PCDHGB5: variants seen among roughly 807,000 people sequenced by gnomAD.
PCDHGB5 encodes the protein protocadherin gamma-B5.
Under a neutral mutation model 62.9 loss-of-function variants are expected in PCDHGB5, and 48 were observed. The observed-to-expected ratio is 0.76, with a 90% CI of 0.61 to 0.97. The LOEUF (loss-of-function observed/expected upper bound fraction) is 0.97, where lower values mean the gene tolerates loss of function less well. PCDHGB5 is among the 50% of genes least tolerant of loss of function. PCDHGB5 has a pLI of 0.00. For missense variants in PCDHGB5, 1,118 were observed against 1,198.6 expected (o/e 0.93, Z 0.99); for synonymous variants, 474 against 511.2 (o/e 0.93, Z 0.98).
intron 1 of PCDHGB5, chr5:141,410,252 C>T (rs3749768): frequency 0.048 from 77,060 of 1,613,996 alleles, 2,017 homozygotes; most frequent in South Asian, 0.077. Flanking sequence ...ACTCTCTGAC[C>T]CCCAGGCTGA....
At chr5:141,461,603 G>A (rs1413122199) in intron 1 of PCDHGB5, among the ~76,000 whole-genome samples, 8 of 152,092 alleles carry the variant, frequency 5.3e-5, no homozygotes, top group African/African-American at 1.9e-4. Context: ...TTATAATTTA[G>A]TTCAAAGTAT....
In PCDHGB5 at chr5:141,438,615, TATATATATATATATATATATACAC is replaced by T. The variant is rs1230398483; in HGVS notation, c.2397+38093_2397+38116del. ...ACATATATATATATATATATATATA[TATATATATATATATATATATACAC>T]ACACACACACACATATATGTATATA... is the stretch of plus-strand genomic sequence containing the variant. On this transcript the variant is annotated intron_variant, in intron 1 of 3. Transcript: ENST00000617380. Among the ~76,000 whole-genome samples the T allele has an allele frequency of 3.0e-3, 107 of 35,910 alleles. 2 individuals carry two copies. The highest frequency in any genetic ancestry group is 7.9e-3 in the African/African-American group (39 of 4,916). The allele number at this position is 35,910 out of a possible 152,430, so 23.6% of individuals were successfully genotyped here. A position where few individuals can be genotyped will look rare whatever the true frequency, so the allele number is the denominator to read the frequency against.
Position 141,427,512 on chromosome 5 carries a change from T to A in PCDHGB5, c.2397+26988T>A, listed in dbSNP as rs1483922394. ...GCTTGTAACAGATGGGACCCTGGATTGGGAGCGGATCCCGGAGTACAACGT... is the reference window on the plus strand; with the variant it reads ...GCTTGTAACAGATGGGACCCTGGATAGGGAGCGGATCCCGGAGTACAACGT... On this transcript the variant is annotated intron_variant, in intron 1 of 3. Transcript: ENST00000617380. 1.2e-5 allele frequency: 7 copies of A among 592,748 alleles called. No homozygotes were observed. The Admixed American group carries it at 1.3e-4, about 11-fold the overall frequency. 36.7% of individuals were successfully genotyped at this position (592,748 alleles called of 1,614,324 possible). A position where few individuals can be genotyped will look rare whatever the true frequency, so the allele number is the denominator to read the frequency against.
intron 1 of PCDHGB5, among the ~76,000 whole-genome samples, chr5:141,450,006 C>CTATTTTTTTTTT (rs70988802): frequency 7.5e-6 from 1 of 132,986 alleles, no homozygotes. Context: ...TGCCATGTCT[C>CTATTTTTTTTTT]TTTTTTTTTT....
At position 141,490,132 on chromosome 5, in the gene PCDHGB5, A is replaced by C. The variant is rs1245562757; in HGVS notation, c.2398-4675A>C. On this transcript the variant is annotated intron_variant, in intron 1 of 3. Coordinates refer to ENST00000617380, the MANE Select transcript of PCDHGB5 (RefSeq NM_018925.3). This position sits in a 1 kb window ranked among gnomAD's most constrained non-coding sequence, Gnocchi z 5.4. ...GCGGAACCTCTTTGGCCTAGACCCT[A>C]GCAGTGGGGCAATCCATGTGTTGGG... 6.2e-7 allele frequency: 1 copy of C among 1,614,220 alleles called. No individual in the cohort carries two copies. Among genetic ancestry groups the C allele is most frequent in the South Asian group, 1.1e-5 (1 of 91,088 alleles).
chr5:141,422,877 C>A, intron 1 of PCDHGB5: 1 of 1,614,246 alleles, frequency 6.2e-7, no homozygotes. Context: ...TGTCGCTGAG[C>A]CTGTTCGTGC....
chr5:141,452,252 C>T (rs868364679), intron 1 of PCDHGB5, among the ~76,000 whole-genome samples: 2 of 152,106 alleles, frequency 1.3e-5, no homozygotes, highest in Non-Finnish European at 2.9e-5. Context: ...TTTGCCATAA[C>T]TCTCTCATTT....
intron 1 of PCDHGB5, chr5:141,408,084 G>A (rs564149257): frequency 7.5e-5 from 106 of 1,418,874 alleles, no homozygotes; most frequent in Middle Eastern, 2.5e-4. Context: ...CCAGCACAGC[G>A]GATTGCCAGC....
chr5:141,410,502 T>C, intron 1 of PCDHGB5: 2 of 1,614,018 alleles, frequency 1.2e-6, no homozygotes, highest in Non-Finnish European at 1.7e-6. Context: ...TTTAATTTCC[T>C]AAAATGCAGT....
At chr5:141,406,547 A>G (rs1414255326) in intron 1 of PCDHGB5, among the ~76,000 whole-genome samples, 1 of 152,216 alleles carries the variant, frequency 6.6e-6, no homozygotes, top group Non-Finnish European at 1.5e-5. Flanking sequence ...TTCAAACTTC[A>G]GTTATCCACT....
At chr5:141,467,373 T>C (rs2099143070) in intron 1 of PCDHGB5, among the ~76,000 whole-genome samples, 1 of 152,064 alleles carries the variant, frequency 6.6e-6, no homozygotes, top group Non-Finnish European at 1.5e-5. Context: ...TTTCTTATAT[T>C]GCATTTAGGT....
rs1321974739 is a variant in PCDHGB5, at chr5:141,432,755, G to A, written c.2397+32231G>A. The A allele has an allele frequency of 2.5e-6, 4 of 1,614,134 alleles. No individual in the cohort carries two copies. Among genetic ancestry groups the A allele is most frequent in the African/African-American group, 1.3e-5 (1 of 75,060 alleles). On this transcript the variant is annotated intron_variant, in intron 1 of 3. Coordinates refer to ENST00000617380, the MANE Select transcript of PCDHGB5 (RefSeq NM_018925.3). This position sits in a 1 kb window ranked among gnomAD's most constrained non-coding sequence, Gnocchi z 6.0. ...TGTCACGCTCACCGTGGCCGTGGCC[G>A]ACAGCATCCCCCAAGTCCTGGCGGA...
At chr5:141,409,192 G>A in intron 1 of PCDHGB5, 4 of 1,614,000 alleles carry the variant, frequency 2.5e-6, no homozygotes, top group Non-Finnish European at 3.4e-6. Context: ...TCTCTACCCA[G>A]TGTAAAGTAA....
In PCDHGB5 at chr5:141,486,890, G is replaced by T; in HGVS notation, c.2398-7917G>T. On this transcript the variant is annotated intron_variant, in intron 1 of 3. Coordinates refer to ENST00000617380, the MANE Select transcript of PCDHGB5 (RefSeq NM_018925.3). The surrounding 1 kb of genome is among the most constrained non-coding windows in gnomAD (Gnocchi z 5.0). ...TGTGCTCCGTCCTCGGGCCCGGCCT[G>T]GTTCCTTATGTCCCCAAGCACTGCC... 6.2e-7 allele frequency: 1 copy of T among 1,614,242 alleles called. No individual in the cohort carries two copies. The highest frequency in any genetic ancestry group is 8.5e-7 in the Non-Finnish European group (1 of 1,180,048).
chr5:141,431,670 T>C lies in PCDHGB5; in HGVS notation c.2397+31146T>C, dbSNP rs767342240. 1 of 1,614,070 alleles carries C rather than the reference T, an allele frequency of 6.2e-7. No homozygotes were observed. The highest frequency in any genetic ancestry group is 8.5e-7 in the Non-Finnish European group (1 of 1,180,026). On this transcript the variant is annotated intron_variant, in intron 1 of 3. Coordinates refer to ENST00000617380, the MANE Select transcript of PCDHGB5 (RefSeq NM_018925.3). This position sits in a 1 kb window ranked among gnomAD's most constrained non-coding sequence, Gnocchi z 4.8. ...TGTAATTCAGGGACAATATCAACAATAGGGGAGTTGGACCACGAGGAGTCA... is the reference window on the plus strand; with the variant it reads ...TGTAATTCAGGGACAATATCAACAACAGGGGAGTTGGACCACGAGGAGTCA...
rs1476740920 is a variant in PCDHGB5, at chr5:141,443,326, A to AC, written c.2397+42802_2397+42803insC. Among the ~76,000 whole-genome samples the AC allele has an allele frequency of 3.3e-5, 5 of 151,792 alleles. No homozygotes were observed. The South Asian group carries it at 8.3e-4, about 25-fold the overall frequency. ...CAAAAACCCATCTCTACAAAAAAAA[A>AC]AAACAAAAATTAACAAGGTTTAGTG... On this transcript the variant is annotated intron_variant, in intron 1 of 3. Transcript: ENST00000617380.
In PCDHGB5 at chr5:141,419,316, G is replaced by A. The variant is rs775328616; in HGVS notation, c.2397+18792G>A. 1.1e-5 allele frequency: 18 copies of A among 1,613,994 alleles called. No individual in the cohort carries two copies. In the South Asian group the frequency reaches 1.8e-4, roughly 16 times the overall value. On this transcript the variant is annotated intron_variant, in intron 1 of 3. Coordinates refer to ENST00000617380, the MANE Select transcript of PCDHGB5 (RefSeq NM_018925.3). ...GACCCAGACTTCGGGCTCAACGGCC[G>A]TGTCTCCTACTCTCTCATTGCCAGC...
chr5:141,476,049 C>T lies in PCDHGB5; in HGVS notation c.2398-18758C>T. 2.0e-6 allele frequency: 3 copies of T among 1,501,848 alleles called. No homozygotes were observed. The South Asian group carries it at 4.0e-5, about 20-fold the overall frequency. 93.0% of individuals were successfully genotyped at this position (1,501,848 alleles called of 1,614,324 possible). ...CGCCCAGCGCCCAAGCGCTAACCCG[C>T]TGAAAGTTTCTCAGCGAAATCTCAG... On this transcript the variant is annotated intron_variant, in intron 1 of 3. Coordinates refer to ENST00000617380, the MANE Select transcript of PCDHGB5 (RefSeq NM_018925.3). This position sits in a 1 kb window ranked among gnomAD's most constrained non-coding sequence, Gnocchi z 7.6.
At chr5:141,417,826 A>T in intron 1 of PCDHGB5, 1 of 1,519,618 alleles carries the variant, frequency 6.6e-7, no homozygotes. Flanking sequence ...CTCCAACTGG[A>T]AAAGCGGGGA....
Sources: allele counts gnomAD v4.1 joint callset (sites outside exome capture counted in the v4.1 genomes callset), GRCh38; gene constraint gnomAD v4.1.1; non-coding constraint Gnocchi (gnomAD v3.1); transcripts MANE v1.5; gene names NCBI Gene and HGNC (gene_info 2026-07-23, HGNC 2026-07-21).